ERC2: variants seen among roughly 807,000 people sequenced by gnomAD.
ERC2 encodes the protein ELKS/RAB6-interacting/CAST family member 2.
A neutral mutation model predicts 114.8 loss-of-function variants in ERC2; 42 were observed. The ratio of observed to expected loss-of-function variants is 0.37; its 90% CI spans 0.29 to 0.47. The LOEUF is 0.47. Ranked by LOEUF, ERC2 falls within the 20% of genes least tolerant of loss-of-function variation. The pLI is 0.99. For missense variants in ERC2, 939 were observed against 1,150.7 expected, an observed-to-expected ratio of 0.82 and a Z score of 2.66; for synonymous variants, 454 against 425.5, an observed-to-expected ratio of 1.07 and a Z score of -0.82.
intron 7 of ERC2, among the ~76,000 whole-genome samples, chr3:56,047,120 A>G (rs2075512543): frequency 6.6e-6 from 1 of 152,234 alleles, no homozygotes; most frequent in Admixed American, 6.5e-5. Flanking sequence ...CGGATATTTA[A>G]AGAAGCAATC....
chr3:56,089,027 G>A (rs906309930), intron 6 of ERC2, among the ~76,000 whole-genome samples: 16 of 152,108 alleles, frequency 1.1e-4, no homozygotes, highest in African/African-American at 3.4e-4. Flanking sequence ...GTACTGAGGC[G>A]TTATATTGTT....
At chr3:55,980,548 G>T (rs1191589883) in intron 12 of ERC2, among the ~76,000 whole-genome samples, 2 of 151,924 alleles carry the variant, frequency 1.3e-5, no homozygotes, top group Admixed American at 6.6e-5. Flanking sequence ...GCCATATAAA[G>T]GAAATAAGAT....
intron 17 of ERC2, among the ~76,000 whole-genome samples, chr3:55,581,828 A>T (rs2057276788): frequency 6.6e-6 from 1 of 152,192 alleles, no homozygotes; most frequent in Non-Finnish European, 1.5e-5. Flanking sequence ...GGGTTAGCAG[A>T]TGACCCCTGG....
chr3:56,033,160 G>GGTGGGC (rs1284283041), intron 7 of ERC2, among the ~76,000 whole-genome samples: 1 of 152,130 alleles, frequency 6.6e-6, no homozygotes. Flanking sequence ...GGGAGGCCAA[G>GGTGGGC]ACAAGAGCAT....
At chr3:55,804,566 C>T (rs956988619) in intron 14 of ERC2, among the ~76,000 whole-genome samples, 1 of 152,132 alleles carries the variant, frequency 6.6e-6, no homozygotes, top group South Asian at 2.1e-4. Context: ...TGTGAGAGAA[C>T]TGAGGTTCAG....
chr3:56,006,711 T>C (rs989995246), intron 10 of ERC2, among the ~76,000 whole-genome samples: 25 of 152,076 alleles, frequency 1.6e-4, no homozygotes, highest in Admixed American at 1.6e-3. Flanking sequence ...TCTACAGAGA[T>C]GGGACTTGAC....
intron 14 of ERC2, among the ~76,000 whole-genome samples, chr3:55,766,410 G>C (rs551435700): frequency 6.6e-6 from 1 of 152,236 alleles, no homozygotes; most frequent in Admixed American, 6.5e-5. Flanking sequence ...CCAGGCTGGA[G>C]TACAATGGCG....
intron 14 of ERC2, among the ~76,000 whole-genome samples, chr3:55,788,726 G>A (rs375253435): frequency 6.6e-6 from 1 of 152,200 alleles, no homozygotes; most frequent in Non-Finnish European, 1.5e-5. Flanking sequence ...GATGGCCATC[G>A]AAGGTCAGCT....
intron 12 of ERC2, among the ~76,000 whole-genome samples, chr3:55,978,863 T>A (rs2069825635): frequency 6.6e-6 from 1 of 152,204 alleles, no homozygotes; most frequent in African/African-American, 2.4e-5. Context: ...TATAAACTAA[T>A]AATAGGTCTG....
At chr3:56,462,656 G>C (rs2063365621) in intron 1 of ERC2, among the ~76,000 whole-genome samples, 2 of 152,094 alleles carry the variant, frequency 1.3e-5, no homozygotes, top group Admixed American at 6.5e-5. Context: ...AACCCCCAAT[G>C]CTTCTACTTA....
chr3:56,075,615 C>T (rs2076935789), intron 7 of ERC2, among the ~76,000 whole-genome samples: 1 of 152,176 alleles, frequency 6.6e-6, no homozygotes, highest in Admixed American at 6.5e-5. Context: ...TTATGCATGT[C>T]TGTCTCCACA....
intron 14 of ERC2, among the ~76,000 whole-genome samples, chr3:55,855,510 C>T (rs1034847626): frequency 3.9e-5 from 6 of 152,192 alleles, no homozygotes; most frequent in Non-Finnish European, 7.3e-5. Context: ...GTGATAACTA[C>T]GTCTGCTTTC....
chr3:56,105,535 T>C (rs1405143773), intron 6 of ERC2, among the ~76,000 whole-genome samples: 4 of 152,048 alleles, frequency 2.6e-5, no homozygotes, highest in Admixed American at 2.6e-4. Flanking sequence ...AGGCTGGTCT[T>C]GAACTCCTGG....
At chr3:55,965,265 T>C (rs561679272) in intron 12 of ERC2, among the ~76,000 whole-genome samples, 113 of 152,334 alleles carry the variant, frequency 7.4e-4, no homozygotes, top group African/African-American at 2.6e-3. Context: ...ATGGAAATCT[T>C]CTACTTCTAC....
At chr3:55,706,374 CTGTTTTTTTTTGTTTT>C (rs2063487697) in intron 15 of ERC2, among the ~76,000 whole-genome samples, 1 of 102,926 alleles carries the variant, frequency 9.7e-6, no homozygotes, top group Non-Finnish European at 2.4e-5. Flanking sequence ...TTGTTTGTTT[CTGTTTTTTTTTGTTTT>C]TGTTTTTGTT....
Position 55,594,570 on chromosome 3 carries a change from A to G in ERC2, c.*40-83294T>C, listed in dbSNP as rs182781711. Reference sequence around the variant, plus strand: ...GATTTTGACTCACTGCAACCTCCGCACCCTGGGTTCATGTGATTCTCCTGT... The same window carrying G: ...GATTTTGACTCACTGCAACCTCCGCGCCCTGGGTTCATGTGATTCTCCTGT... On this transcript the variant is annotated intron_variant, in intron 17 of 17. Coordinates refer to ENST00000288221, the MANE Select transcript of ERC2 (RefSeq NM_015576.3). 2.1e-3 allele frequency among the ~76,000 whole-genome samples: 320 copies of G among 152,048 alleles called. 1 individual carries two copies. The highest frequency in any genetic ancestry group is 7.2e-3 in the African/African-American group (298 of 41,486).
chr3:56,302,895 C>T (rs1001564417), intron 2 of ERC2, among the ~76,000 whole-genome samples: 8 of 152,210 alleles, frequency 5.3e-5, no homozygotes, highest in African/African-American at 1.9e-4. Context: ...AAGGACATTA[C>T]CAGGTGATCC....
intron 13 of ERC2, among the ~76,000 whole-genome samples, chr3:55,928,372 T>G (rs376189906): frequency 6.6e-6 from 1 of 152,230 alleles, no homozygotes; most frequent in Non-Finnish European, 1.5e-5. Flanking sequence ...TAATGTTGAG[T>G]ACTTTTTTCA....
intron 3 of ERC2, among the ~76,000 whole-genome samples, chr3:56,290,983 A>T (rs1473725381): frequency 6.6e-6 from 1 of 152,230 alleles, no homozygotes; most frequent in Middle Eastern, 3.2e-3. Flanking sequence ...AACACAGGAC[A>T]TCAATAGGAT....
Sources: gnomAD v4.1 joint callset for allele counts (sites outside exome capture counted in the v4.1 genomes callset) on GRCh38, gnomAD v4.1.1 for gene constraint, MANE v1.5 for transcripts, NCBI Gene and HGNC (gene_info 2026-07-23, HGNC 2026-07-21) for gene names.